Variants in DLL4 observed in about 807,000 individuals in gnomAD.
DLL4 encodes delta-like protein 4.
DLL4 carries 7 observed loss-of-function variants against 73.6 expected under a neutral mutation model. The observed-to-expected ratio is 0.10, with a 90% CI of 0.05 to 0.18. DLL4 has a LOEUF of 0.18. DLL4 is among the 10% of genes least tolerant of loss of function. DLL4 has a pLI of 1.00. For synonymous variants in DLL4, 345 were observed against 374.3 expected (o/e 0.92, Z 0.90); for missense variants, 614 against 929.9 (o/e 0.66, Z 4.42).
intron 9 of DLL4, 40 bp from the exon 10 acceptor site, chr15:40,937,378 C>A: frequency 7.0e-7 from 1 of 1,433,836 alleles, no homozygotes; most frequent in Non-Finnish European, 9.8e-7. Context: ...CCAAGCCTCT[C>A]CCCGTCCCTC....
At position 40,930,501 on chromosome 15, in the gene DLL4, G is replaced by T. The variant is rs1459698229; in HGVS notation, c.337-124G>T. ...GCTACACTGTGCACAGCCCCGTTAT[G>T]TTGACCCGGGCGCAGTAACTGAATC... On this transcript the variant is annotated intron_variant, in intron 2 of 10. Coordinates refer to ENST00000249749, the MANE Select transcript of DLL4 (RefSeq NM_019074.4). This position sits in a 1 kb window ranked among gnomAD's most constrained non-coding sequence, Gnocchi z 5.7. The T allele has an allele frequency of 1.4e-5, 12 of 828,910 alleles. No homozygotes were observed. The East Asian group carries it at 3.2e-4, about 22-fold the overall frequency. The allele number at this position is 828,910 out of a possible 1,614,324, so 51.3% of individuals were successfully genotyped here. A position where few individuals can be genotyped will look rare whatever the true frequency, so the allele number is the denominator to read the frequency against.
chr15:40,931,178 C>A (rs763515033), intron 3 of DLL4: 2 of 439,372 alleles, frequency 4.6e-6, no homozygotes, highest in Non-Finnish European at 8.1e-6. Flanking sequence ...GCTTTTCTTT[C>A]TTTTTCTCTT....
chr15:40,936,991 T>G, intron 9 of DLL4, 61 bp downstream of exon 9: 1 of 1,388,520 alleles, frequency 7.2e-7, no homozygotes, highest in Non-Finnish European at 9.7e-7. Flanking sequence ...CTGCCTAGGC[T>G]CCTCTTAGGC....
At position 40,935,020 on chromosome 15, in the gene DLL4, C is replaced by T; in HGVS notation, c.1143C>T (p.Asn381=). 1 of 1,613,560 alleles carries T rather than the reference C, an allele frequency of 6.2e-7. No homozygotes were observed. The highest frequency in any genetic ancestry group is 8.5e-7 in the Non-Finnish European group (1 of 1,179,896). ...CFNGGSCRER[N]QGANYACECP... is the part of the protein sequence containing the mutation. ...ATGGGGGCTCCTGCCGGGAGCGCAA[C>T]CAGGGGGCCAACTATGCTTGTGAAT... The change falls in exon 8 of 11, where the codon AAC becomes AAT. Residue 381 remains asparagine (N), a synonymous_variant. Transcript: ENST00000249749.
intron 9 of DLL4, among the ~76,000 whole-genome samples, 185 bp from the exon 10 acceptor site, chr15:40,937,233 G>A (rs964004923): frequency 6.6e-6 from 1 of 152,154 alleles, no homozygotes; most frequent in African/African-American, 2.4e-5. Flanking sequence ...GAGGTTGGGA[G>A]GCCTGTGACT....
intron 3 of DLL4, chr15:40,931,032 G>A (rs1374494316): frequency 2.3e-6 from 1 of 432,168 alleles, no homozygotes; most frequent in Non-Finnish European, 4.1e-6. Flanking sequence ...TGACACAGAG[G>A]AAAAGGATAT....
intron 6 of DLL4, among the ~76,000 whole-genome samples, chr15:40,932,962 T>C (rs1187196332): frequency 6.6e-6 from 1 of 152,174 alleles, no homozygotes; most frequent in Non-Finnish European, 1.5e-5. Context: ...CCTCCCCTGC[T>C]CTTACCTAGT....
At chr15:40,935,749 G>T (rs866672625) in intron 8 of DLL4, among the ~76,000 whole-genome samples, 3 of 152,200 alleles carry the variant, frequency 2.0e-5, no homozygotes, top group Admixed American at 6.5e-5. Flanking sequence ...CCTGTCCTCT[G>T]TCCTTCATGT....
At chr15:40,932,685 G>A (rs1246102953) in intron 6 of DLL4, among the ~76,000 whole-genome samples, 1 of 152,118 alleles carries the variant, frequency 6.6e-6, no homozygotes, top group Non-Finnish European at 1.5e-5. Flanking sequence ...AAAAACCCAG[G>A]GGGGTGACAA....
In DLL4 at chr15:40,938,901, C is replaced by T. The variant is rs1363213603; in HGVS notation, c.*867C>T. 7 of 149,962 alleles carry T rather than the reference C, an allele frequency of 4.7e-5. No individual in the cohort carries two copies. The highest frequency in any genetic ancestry group is 4.0e-4 in the Admixed American group (6 of 15,044). The allele number at this position is 149,962 out of a possible 1,614,324, so 9.3% of individuals were successfully genotyped here. A position where few individuals can be genotyped will look rare whatever the true frequency, so the allele number is the denominator to read the frequency against. On this transcript the variant is annotated 3_prime_UTR_variant, in exon 11 of 11. Coordinates refer to ENST00000249749, the MANE Select transcript of DLL4 (RefSeq NM_019074.4). ...GCCCCAGACCACCCTCAAAGCTGGT[C>T]TTCAGAAATCAATAATATGAGTTTT... is the stretch of plus-strand genomic sequence containing the variant.
rs7174607 is a variant in DLL4, at chr15:40,932,094, C to T, written c.659-77C>T. 6.0e-3 allele frequency: 9,261 copies of T among 1,554,570 alleles called. 445 individuals are homozygous for T. The African/African-American group carries it at 0.11, about 19-fold the overall frequency. On this transcript the variant is annotated intron_variant, in intron 4 of 10. Transcript: ENST00000249749. Reference sequence around the variant, plus strand: ...AGGGCCCAGGAGAGCTAGGGGATCCCCAGGGCCAGCAGGTGAGAATGGGGC... The same window carrying T: ...AGGGCCCAGGAGAGCTAGGGGATCCTCAGGGCCAGCAGGTGAGAATGGGGC...
chr15:40,931,314 A>G, intron 3 of DLL4, 189 bp from the exon 4 acceptor site: 1 of 642,170 alleles, frequency 1.6e-6, no homozygotes, highest in Non-Finnish European at 2.7e-6. Flanking sequence ...GCACACACGT[A>G]GGGCAGCTAC....
chr15:40,929,344 G>A lies in DLL4; in HGVS notation c.-325G>A. 1 of 393,172 alleles carries A rather than the reference G, an allele frequency of 2.5e-6. No individual in the cohort carries two copies. The highest frequency in any genetic ancestry group is 4.5e-6 in the Non-Finnish European group (1 of 221,962). The allele number at this position is 393,172 out of a possible 1,614,324, so 24.4% of individuals were successfully genotyped here. ...GGCCCCCAGCGCGCAGGTTTCAGTA[G>A]CGGCGCTGCGCGCAGGCCGGGAACA... On this transcript the variant is annotated 5_prime_UTR_variant, in exon 1 of 11. Coordinates refer to ENST00000249749, the MANE Select transcript of DLL4 (RefSeq NM_019074.4). The surrounding 1 kb of genome is among the most constrained non-coding windows in gnomAD (Gnocchi z 7.1).
At chr15:40,937,368 C>T (rs201878551) in intron 9 of DLL4, 50 bp from the exon 10 acceptor site, 60 of 1,356,524 alleles carry the variant, frequency 4.4e-5, no homozygotes, top group African/African-American at 1.1e-4. Flanking sequence ...CTCCCTCCCC[C>T]CAAGCCTCTC....
chr15:40,929,833 T>C lies in DLL4; in HGVS notation c.67-14T>C, dbSNP rs765421830. On this transcript the variant is annotated splice_polypyrimidine_tract_variant and intron_variant, in intron 1 of 10. Coordinates refer to ENST00000249749, the MANE Select transcript of DLL4 (RefSeq NM_019074.4). The surrounding 1 kb of genome is among the most constrained non-coding windows in gnomAD (Gnocchi z 7.1). ...CCGGTCCCCTCCCTCCTTCCCTCGG[T>C]CCCTGTGCAATAGCGCGCGGCCGGC... is the stretch of plus-strand genomic sequence containing the variant. 3.1e-6 allele frequency: 5 copies of C among 1,610,258 alleles called. No homozygotes were observed. The highest frequency in any genetic ancestry group is 4.2e-6 in the Non-Finnish European group (5 of 1,179,418).
Position 40,937,401 on chromosome 15 carries a change from G to A in DLL4, c.1944-17G>A, listed in dbSNP as rs754150479. ...CTCCCCGTCCCTCCCTTACACGCCT[G>A]TCTTGTGTTCCCTCAGTGAAAAGCC... On this transcript the variant is annotated splice_polypyrimidine_tract_variant and intron_variant, in intron 9 of 10. Coordinates refer to ENST00000249749, the MANE Select transcript of DLL4 (RefSeq NM_019074.4). The A allele has an allele frequency of 2.0e-5, 32 of 1,579,832 alleles. 1 individual carries two copies. In the African/African-American group the frequency reaches 3.6e-4, roughly 18 times the overall value.
At chr15:40,936,130 G>A in intron 8 of DLL4, 98 bp from the exon 9 acceptor site, 2 of 1,058,658 alleles carry the variant, frequency 1.9e-6, no homozygotes, top group Non-Finnish European at 2.7e-6. Context: ...GCAGGTGGAG[G>A]TAGAAGGGCC....
chr15:40,930,221 C>G lies in DLL4; in HGVS notation c.336+105C>G. 1 of 1,370,232 alleles carries G rather than the reference C, an allele frequency of 7.3e-7. No homozygotes were observed. The highest frequency in any genetic ancestry group is 2.5e-5 in the East Asian group (1 of 39,932). The allele number at this position is 1,370,232 out of a possible 1,614,324, so 84.9% of individuals were successfully genotyped here. On this transcript the variant is annotated intron_variant, in intron 2 of 10. Transcript: ENST00000249749. The surrounding 1 kb of genome is among the most constrained non-coding windows in gnomAD (Gnocchi z 5.7). ...TTTCCTTGTACACACACCCCCACCCCCAAAAAGCCCAGGATGCATTCTTTC... is the reference window on the plus strand; with the variant it reads ...TTTCCTTGTACACACACCCCCACCCGCAAAAAGCCCAGGATGCATTCTTTC...
In DLL4 at chr15:40,931,367, G is replaced by T; in HGVS notation, c.395-136G>T. 5 of 1,099,944 alleles carry T rather than the reference G, an allele frequency of 4.5e-6. No individual in the cohort carries two copies. The South Asian group carries it at 6.2e-5, about 14-fold the overall frequency. The allele number at this position is 1,099,944 out of a possible 1,614,324, so 68.1% of individuals were successfully genotyped here. Reference sequence around the variant, plus strand: ...CCCTCTGGCCTGTTCTTGCTGGCAGGCGGGGGTCATCTGGATAACTGGGCT... The same window carrying T: ...CCCTCTGGCCTGTTCTTGCTGGCAGTCGGGGGTCATCTGGATAACTGGGCT... On this transcript the variant is annotated intron_variant, in intron 3 of 10. Coordinates refer to ENST00000249749, the MANE Select transcript of DLL4 (RefSeq NM_019074.4).
Sources: allele counts gnomAD v4.1 joint callset (sites outside exome capture counted in the v4.1 genomes callset), GRCh38; gene constraint gnomAD v4.1.1; non-coding constraint Gnocchi (gnomAD v3.1); transcripts MANE v1.5; gene names NCBI Gene and HGNC (gene_info 2026-07-23, HGNC 2026-07-21).